Variants in KIAA1549 observed in about 807,000 individuals in gnomAD.
KIAA1549 encodes UPF0606 protein KIAA1549.
In KIAA1549, 70 loss-of-function variants were observed where a neutral mutation model predicts 156.4. The ratio of observed to expected loss-of-function variants is 0.45; its 90% confidence interval spans 0.37 to 0.55. The LOEUF is 0.55. KIAA1549 is among the 20% of genes least tolerant of loss of function. The probability of loss-of-function intolerance (pLI) is 0.00; values close to 1 mark genes in which losing one functional copy is unlikely to be tolerated. For synonymous variants in KIAA1549, 1,103 were observed against 1,066.4 expected (o/e 1.03, Z -0.67); for missense variants, 2,428 against 2,540.9 (o/e 0.96, Z 0.96).
chr7:138,966,429 T>G (rs988054482), intron 1 of KIAA1549, among the ~76,000 whole-genome samples: 7 of 151,412 alleles, frequency 4.6e-5, no homozygotes, highest in Non-Finnish European at 7.4e-5. Context: ...TATTAAGGAG[T>G]ATTAAACTCA....
At chr7:138,840,521 A>T (rs191715406) in intron 18 of KIAA1549, among the ~76,000 whole-genome samples, 128 of 152,236 alleles carry the variant, frequency 8.4e-4, no homozygotes, top group African/African-American at 3.0e-3. Context: ...ACCACGAAGC[A>T]CCGTGGACCA....
intron 1 of KIAA1549, among the ~76,000 whole-genome samples, chr7:138,935,489 T>TTC (rs140541406): frequency 0.29 from 43,628 of 151,974 alleles, 7,903 homozygotes; most frequent in African/African-American, 0.52. Flanking sequence ...GCAAAAAAAT[T>TTC]TCTGTCAGCC....
intron 12 of KIAA1549, among the ~76,000 whole-genome samples, chr7:138,876,854 G>A (rs1320226321): frequency 6.6e-6 from 1 of 152,236 alleles, no homozygotes; most frequent in Non-Finnish European, 1.5e-5. Context: ...GGATGGCCAT[G>A]AGGGTATGTG....
chr7:138,869,503 C>T (rs1443573973), intron 14 of KIAA1549, 35 bp downstream of exon 14: 2 of 1,515,632 alleles, frequency 1.3e-6, no homozygotes, highest in Admixed American at 3.9e-5. Context: ...CCTCTGCGCG[C>T]CCGCCCCACC....
chr7:138,885,073 T>A (rs910118491), intron 10 of KIAA1549, among the ~76,000 whole-genome samples: 5 of 152,154 alleles, frequency 3.3e-5, no homozygotes, highest in African/African-American at 1.2e-4. Context: ...CACGTGCCTG[T>A]AATCCCAGCT....
chr7:138,854,167 C>T (rs1220195086), intron 16 of KIAA1549, among the ~76,000 whole-genome samples: 1 of 152,186 alleles, frequency 6.6e-6, no homozygotes, highest in Non-Finnish European at 1.5e-5. Flanking sequence ...TTGAAGGTTT[C>T]AATCAGCTAG....
chr7:138,878,751 G>A (rs1014123987), intron 12 of KIAA1549, among the ~76,000 whole-genome samples: 1 of 137,528 alleles, frequency 7.3e-6, no homozygotes, highest in East Asian at 1.9e-4. Flanking sequence ...GATAGAGCAA[G>A]ACCCTGTCTC....
At chr7:138,887,190 A>C (rs1412300689) in intron 10 of KIAA1549, among the ~76,000 whole-genome samples, 1 of 152,116 alleles carries the variant, frequency 6.6e-6, no homozygotes, top group East Asian at 1.9e-4. Flanking sequence ...CATTACAGGC[A>C]TGAGCCACCA....
At chr7:138,922,790 C>T (rs1295676603) in intron 1 of KIAA1549, among the ~76,000 whole-genome samples, 2 of 151,606 alleles carry the variant, frequency 1.3e-5, no homozygotes, top group Non-Finnish European at 2.9e-5. Context: ...ACATAGAAGA[C>T]AGAATAAGAC....
intron 17 of KIAA1549, among the ~76,000 whole-genome samples, chr7:138,849,207 T>C (rs915905653): frequency 7.2e-5 from 11 of 152,112 alleles, no homozygotes; most frequent in Non-Finnish European, 1.3e-4. Flanking sequence ...TTTGGTTTTA[T>C]TGATCCTCTC....
At chr7:138,957,936 C>G (rs1813716984) in intron 1 of KIAA1549, among the ~76,000 whole-genome samples, 1 of 152,234 alleles carries the variant, frequency 6.6e-6, no homozygotes, top group African/African-American at 2.4e-5. Context: ...GGTGCATACT[C>G]ATGAGTCAGT....
chr7:138,963,129 T>C (rs1584787936), intron 1 of KIAA1549, among the ~76,000 whole-genome samples: 1 of 152,192 alleles, frequency 6.6e-6, no homozygotes, highest in South Asian at 2.1e-4. Flanking sequence ...GTTGGCTGAG[T>C]CATGCAGACA....
At chr7:138,930,026 T>C (rs1812827714) in intron 1 of KIAA1549, among the ~76,000 whole-genome samples, 3 of 152,204 alleles carry the variant, frequency 2.0e-5, no homozygotes, top group Non-Finnish European at 2.9e-5. Flanking sequence ...AAATTACTCT[T>C]GATCCATGGG....
In KIAA1549 at chr7:138,852,217, C is replaced by T. The variant is rs117006285; in HGVS notation, c.5294+6G>A. On this transcript the variant is annotated splice_donor_region_variant and intron_variant, in intron 17 of 19. Coordinates refer to ENST00000422774, the MANE Select transcript of KIAA1549 (RefSeq NM_001164665.2). ...GTGATAATACATTTTGTTTTGAAAA[C>T]CTTACCTTGGCAATGGACCCGTCGG... is the stretch of plus-strand genomic sequence containing the variant. 276 of 1,606,468 alleles carry T rather than the reference C, an allele frequency of 1.7e-4. 3 individuals carry two copies. In the East Asian group the frequency reaches 4.6e-3, roughly 27 times the overall value.
At chr7:138,838,548 T>C (rs1412160786) in intron 19 of KIAA1549, among the ~76,000 whole-genome samples, 2 of 152,186 alleles carry the variant, frequency 1.3e-5, no homozygotes, top group African/African-American at 2.4e-5. Flanking sequence ...GAGGGCTCTG[T>C]AGAGCCTTGT....
intron 5 of KIAA1549, among the ~76,000 whole-genome samples, chr7:138,907,576 C>T (rs924611625): frequency 6.6e-6 from 1 of 152,174 alleles, no homozygotes; most frequent in African/African-American, 2.4e-5. Context: ...TGGCAGAGAT[C>T]AGCAGGAATG....
chr7:138,908,525 G>A (rs36069358), intron 5 of KIAA1549, among the ~76,000 whole-genome samples: 2,639 of 152,238 alleles, frequency 0.017, 44 homozygotes, highest in Non-Finnish European at 0.026. Flanking sequence ...GTGGATCCAG[G>A]AGCACCAAAA....
At chr7:138,840,072 G>C in intron 19 of KIAA1549, 61 bp downstream of exon 19, 3 of 1,456,834 alleles carry the variant, frequency 2.1e-6, no homozygotes, top group Non-Finnish European at 2.8e-6. Context: ...TTACAGGTGT[G>C]AGCCACCGCA....
intron 3 of KIAA1549, among the ~76,000 whole-genome samples, chr7:138,911,541 A>C (rs1465756800): frequency 6.6e-6 from 1 of 152,246 alleles, no homozygotes; most frequent in African/African-American, 2.4e-5. Context: ...ACAGTCAGAA[A>C]TATGAACTGA....
Sources: allele counts gnomAD v4.1 joint callset (sites outside exome capture counted in the v4.1 genomes callset), GRCh38; gene constraint gnomAD v4.1.1; transcripts MANE v1.5; gene names NCBI Gene and HGNC (gene_info 2026-07-23, HGNC 2026-07-21).